The following TOGARAM2 variants were observed in gnomAD, a reference collection of about 807,000 sequenced individuals.
TOGARAM2 encodes TOG array regulator of axonemal microtubules 2, also known as TOG array regulator of axonemal microtubules protein 2.
Under a neutral mutation model 93.3 loss-of-function variants are expected in TOGARAM2, and 85 were observed. The ratio of observed to expected loss-of-function variants is 0.91; its 90% CI spans 0.76 to 1.09. The LOEUF (loss-of-function observed/expected upper bound fraction) is 1.09. Among genes scored for constraint, TOGARAM2 ranks in the 50% least tolerant of loss-of-function variants. The pLI is 0.00. For synonymous variants in TOGARAM2, 593 were observed against 552.8 expected (o/e 1.07, Z -1.02); for missense variants, 1,277 against 1,334.5 (o/e 0.96, Z 0.67).
intron 17 of TOGARAM2, 34 bp downstream of exon 17, chr2:29,035,690 C>G (rs769751434): frequency 7.4e-7 from 1 of 1,353,396 alleles, no homozygotes; most frequent in Non-Finnish European, 9.6e-7. Context: ...TCCCACCTGT[C>G]TCTCCTCTGG....
Position 28,999,285 on chromosome 2 carries a change from A to G in TOGARAM2, c.244A>G (p.Lys82Glu). The G allele has an allele frequency of 6.2e-7, 1 of 1,613,834 alleles. No individual in the cohort carries two copies. Among genetic ancestry groups the G allele is most frequent in the Non-Finnish European group, 8.5e-7 (1 of 1,179,826 alleles). The change falls in exon 4 of 20, where the codon AAG becomes GAG. Residue 82 changes from lysine (K) to glutamate (E), a missense_variant. Coordinates refer to ENST00000379558, the MANE Select transcript of TOGARAM2 (RefSeq NM_199280.4). ...LGGLKLDTPSKGWQARNGHPR... is the reference protein window; with the variant it reads ...LGGLKLDTPSEGWQARNGHPR... The stretch of plus-strand genomic sequence containing the variant: ...TGGCCTCAAGCTGGACACCCCTTCC[A>G]AGGGCTGGCAGGCAAGGAATGGTCA...
At chr2:29,017,648 C>T in intron 9 of TOGARAM2, 144 bp from the exon 10 acceptor site, 2 of 774,094 alleles carry the variant, frequency 2.6e-6, no homozygotes, top group South Asian at 4.6e-5. Context: ...TGGCCTCAAG[C>T]CATCCTCCTA....
At chr2:29,005,412 C>CATGT (rs1553338920) in intron 6 of TOGARAM2, among the ~76,000 whole-genome samples, 2 of 140,722 alleles carry the variant, frequency 1.4e-5, no homozygotes, top group South Asian at 2.3e-4. Context: ...TGTGTGTGTG[C>CATGT]GTGTGTGAGA....
chr2:28,962,118 G>A (rs1295273978), intron 1 of TOGARAM2, among the ~76,000 whole-genome samples: 3 of 151,560 alleles, frequency 2.0e-5, no homozygotes, highest in African/African-American at 7.3e-5. Flanking sequence ...TTTGGGACAC[G>A]TAAGTCTCAC....
intron 6 of TOGARAM2, among the ~76,000 whole-genome samples, chr2:29,005,825 T>TCA (rs1407075919): frequency 3.8e-5 from 5 of 132,832 alleles, no homozygotes; most frequent in African/African-American, 1.8e-4. Flanking sequence ...AGTGCATGTG[T>TCA]GTGCATGTGT....
Position 29,004,935 on chromosome 2 carries a change from T to TGA in TOGARAM2, c.830+1254_830+1255insAG, listed in dbSNP as rs1254248092. Among the ~76,000 whole-genome samples the TGA allele has an allele frequency of 7.4e-3, 775 of 104,212 alleles. 160 individuals carry two copies. The highest frequency in any genetic ancestry group is 0.03 in the African/African-American group (745 of 24,726). 68.4% of individuals were successfully genotyped at this position (104,212 alleles called of 152,430 possible). ...GTGCATGTGTACGTGTGTGAGTGCATGTGTGTGCATGTGTGTGCATGTGTA... is the reference window on the plus strand; with the variant it reads ...GTGCATGTGTACGTGTGTGAGTGCATGAGTGTGTGCATGTGTGTGCATGTGTA... On this transcript the variant is annotated intron_variant, in intron 6 of 19. Transcript: ENST00000379558.
intron 1 of TOGARAM2, among the ~76,000 whole-genome samples, chr2:28,968,844 G>A (rs7603873): frequency 1.4e-3 from 197 of 141,968 alleles, no homozygotes; most frequent in Middle Eastern, 0.011. Context: ...AAAAAAACAA[G>A]GAAAAAGAAA....
intron 14 of TOGARAM2, among the ~76,000 whole-genome samples, chr2:29,030,953 T>C (rs1665732938): frequency 6.6e-6 from 1 of 152,226 alleles, no homozygotes; most frequent in Admixed American, 6.5e-5. Flanking sequence ...CAAGTCTGCC[T>C]CTCTGTGTTC....
intron 1 of TOGARAM2, among the ~76,000 whole-genome samples, chr2:28,982,611 T>C (rs769017668): frequency 4.6e-5 from 7 of 151,548 alleles, no homozygotes; most frequent in Non-Finnish European, 7.4e-5. Context: ...GGGAGGTAGT[T>C]GGGGGCAAGG....
intron 7 of TOGARAM2, among the ~76,000 whole-genome samples, chr2:29,012,112 G>A (rs908368788): frequency 2.6e-5 from 4 of 152,152 alleles, no homozygotes; most frequent in Admixed American, 2.0e-4. Flanking sequence ...GAGGGAGGAG[G>A]GATCCTTCCT....
intron 9 of TOGARAM2, 144 bp from the exon 10 acceptor site, chr2:29,017,648 C>A: frequency 1.3e-6 from 1 of 774,092 alleles, no homozygotes; most frequent in Non-Finnish European, 2.0e-6. Context: ...TGGCCTCAAG[C>A]CATCCTCCTA....
At chr2:29,004,767 T>C (rs1673533192) in intron 6 of TOGARAM2, among the ~76,000 whole-genome samples, 1 of 151,822 alleles carries the variant, frequency 6.6e-6, no homozygotes, top group Non-Finnish European at 1.5e-5. Flanking sequence ...AGTGTGTGTG[T>C]GCATGAGTGC....
chr2:28,957,053 G>C (rs1037540342), intron 1 of TOGARAM2, among the ~76,000 whole-genome samples: 3 of 149,550 alleles, frequency 2.0e-5, no homozygotes, highest in Non-Finnish European at 4.5e-5. Context: ...GCAGTGAGCC[G>C]AGATCGCGCC....
intron 1 of TOGARAM2, among the ~76,000 whole-genome samples, chr2:28,973,453 T>TCCTG (rs1553333639): frequency 5.3e-5 from 5 of 93,942 alleles, no homozygotes; most frequent in Non-Finnish European, 7.7e-5. Flanking sequence ...CTTCCTTCCT[T>TCCTG]CCTTCCTTCC....
chr2:29,003,826 A>C, intron 6 of TOGARAM2, 144 bp downstream of exon 6: 1 of 799,620 alleles, frequency 1.3e-6, no homozygotes, highest in Non-Finnish European at 1.8e-6. Context: ...GGCTCCACCC[A>C]TGAGCCACAG....
At chr2:28,976,364 C>T (rs1407622401), upstream of TOGARAM2, among the ~76,000 whole-genome samples, 1 of 152,128 alleles carries the variant, frequency 6.6e-6, no homozygotes, top group Non-Finnish European at 1.5e-5. Flanking sequence ...GAGTGAGACT[C>T]CATCTCAAAA....
chr2:28,970,104 C>T (rs1179851232), intron 1 of TOGARAM2, among the ~76,000 whole-genome samples: 1 of 152,200 alleles, frequency 6.6e-6, no homozygotes, highest in Non-Finnish European at 1.5e-5. Flanking sequence ...AGCCACCGTG[C>T]CCGACATCGG....
intron 1 of TOGARAM2, among the ~76,000 whole-genome samples, chr2:28,986,330 G>C (rs1277466820): frequency 6.6e-6 from 1 of 152,088 alleles, no homozygotes; most frequent in African/African-American, 2.4e-5. Flanking sequence ...GGTTGTGGAG[G>C]GGGGATGTTT....
chr2:29,046,948 G>A (rs529407363), intron 19 of TOGARAM2: 1 of 152,668 alleles, frequency 6.6e-6, no homozygotes, highest in Admixed American at 6.5e-5. Context: ...TTCTCCCTGT[G>A]TGCTTCTCAA....
Sources: allele counts gnomAD v4.1 joint callset (sites outside exome capture counted in the v4.1 genomes callset), GRCh38; gene constraint gnomAD v4.1.1; transcripts MANE v1.5; gene names NCBI Gene and HGNC (gene_info 2026-07-23, HGNC 2026-07-21).